Variants in ERC2 observed in about 807,000 individuals in gnomAD.
The protein encoded by ERC2 is ERC protein 2.
In ERC2, 42 loss-of-function variants were observed where a neutral mutation model predicts 114.8. That is an observed-to-expected ratio of 0.37 (90% confidence interval 0.29 to 0.47). The LOEUF is 0.47. ERC2 is among the 20% of genes least tolerant of loss of function. The pLI, the probability that ERC2 is intolerant of heterozygous loss-of-function variation, is 0.99. For missense variants in ERC2, 939 were observed against 1,150.7 expected (o/e 0.82, Z 2.66); for synonymous variants, 454 against 425.5 (o/e 1.07, Z -0.82).
chr3:55,804,943 G>A (rs1464708149), intron 14 of ERC2, among the ~76,000 whole-genome samples: 1 of 151,930 alleles, frequency 6.6e-6, no homozygotes, highest in East Asian at 1.9e-4. Context: ...AGGAGATAAA[G>A]CAGATGAGAG....
chr3:55,513,094 C>T lies in ERC2; in HGVS notation c.*40-1818G>A, dbSNP rs527620124. Among the ~76,000 whole-genome samples, 54 of 152,358 alleles carry T rather than the reference C, an allele frequency of 3.5e-4. 1 individual carries two copies. The Middle Eastern group carries it at 0.014, about 38-fold the overall frequency. On this transcript the variant is annotated intron_variant, in intron 17 of 17. Transcript: ENST00000288221. Reference sequence around the variant, plus strand: ...CTGGACAGTCACAGCGGCCCTTACCCTTCTCCAGCTTCCTCTTACAGCACC... The same window carrying T: ...CTGGACAGTCACAGCGGCCCTTACCTTTCTCCAGCTTCCTCTTACAGCACC...
At position 56,378,269 on chromosome 3, in the gene ERC2, T is replaced by C. The variant is rs562334949; in HGVS notation, c.657+56082A>G. Among the ~76,000 whole-genome samples the C allele has an allele frequency of 4.1e-4, 62 of 149,500 alleles. 1 individual carries two copies. The East Asian group carries it at 0.011, about 27-fold the overall frequency. On this transcript the variant is annotated intron_variant, in intron 2 of 17. Coordinates refer to ENST00000288221, the MANE Select transcript of ERC2 (RefSeq NM_015576.3). Reference sequence around the variant, plus strand: ...AAAAATGATGAGTTCATGTCTTTTGTAGGGACATGGATGAAATTGGAAATC... The same window carrying C: ...AAAAATGATGAGTTCATGTCTTTTGCAGGGACATGGATGAAATTGGAAATC...
At chr3:56,380,533 G>A (rs755662765) in intron 2 of ERC2, among the ~76,000 whole-genome samples, 3 of 151,662 alleles carry the variant, frequency 2.0e-5, no homozygotes, top group East Asian at 1.9e-4. Flanking sequence ...TTGGACCCAC[G>A]TTTTCTTGGC....
chr3:56,211,520 T>C (rs1239997827), intron 3 of ERC2, among the ~76,000 whole-genome samples: 1 of 151,808 alleles, frequency 6.6e-6, no homozygotes, highest in Non-Finnish European at 1.5e-5. Flanking sequence ...TGATTAATTC[T>C]ACACAATAGC....
intron 17 of ERC2, among the ~76,000 whole-genome samples, chr3:55,536,377 A>G (rs1377028809): frequency 2.6e-5 from 4 of 152,150 alleles, no homozygotes; most frequent in Non-Finnish European, 2.9e-5. Flanking sequence ...GAGACTTCCC[A>G]GACGTAGCTG....
chr3:56,249,858 T>TTC (rs2052015478), intron 3 of ERC2, among the ~76,000 whole-genome samples: 1 of 143,570 alleles, frequency 7.0e-6, no homozygotes, highest in African/African-American at 2.6e-5. Context: ...CAAATTTCTT[T>TTC]TTTTTTTTTT....
intron 17 of ERC2, among the ~76,000 whole-genome samples, chr3:55,564,118 A>G (rs973775588): frequency 6.6e-6 from 1 of 152,230 alleles, no homozygotes; most frequent in African/African-American, 2.4e-5. Flanking sequence ...CTCCAAGATC[A>G]GGATGACACA....
intron 3 of ERC2, among the ~76,000 whole-genome samples, chr3:56,221,157 T>C (rs1342463308): frequency 2.0e-5 from 3 of 151,780 alleles, no homozygotes; most frequent in Non-Finnish European, 4.4e-5. Context: ...AATTTGAAAA[T>C]TGAAAATTTT....
At chr3:55,550,664 G>A (rs1407630692) in intron 17 of ERC2, among the ~76,000 whole-genome samples, 1 of 152,160 alleles carries the variant, frequency 6.6e-6, no homozygotes, top group Admixed American at 6.5e-5. Context: ...GCTAGTAAGA[G>A]ATGGGGGAAG....
intron 14 of ERC2, among the ~76,000 whole-genome samples, chr3:55,834,863 A>G (rs1219761069): frequency 7.0e-6 from 1 of 142,312 alleles, no homozygotes; most frequent in East Asian, 2.0e-4. Flanking sequence ...CAAGACTAAT[A>G]AAGAAGAAAA....
chr3:55,690,363 A>C (rs1373184565), intron 16 of ERC2, among the ~76,000 whole-genome samples: 1 of 152,196 alleles, frequency 6.6e-6, no homozygotes, highest in Non-Finnish European at 1.5e-5. Context: ...TTAGCAATAT[A>C]AAATGGATTT....
intron 6 of ERC2, among the ~76,000 whole-genome samples, chr3:56,100,124 T>C (rs2078274006): frequency 1.3e-5 from 2 of 152,210 alleles, no homozygotes; most frequent in Non-Finnish European, 2.9e-5. Context: ...CCCAAACCTA[T>C]TTCACTCTAA....
intron 3 of ERC2, among the ~76,000 whole-genome samples, chr3:56,227,876 T>C (rs1404973133): frequency 2.0e-5 from 3 of 152,166 alleles, no homozygotes; most frequent in Non-Finnish European, 1.5e-5. Context: ...AACAACTACA[T>C]CATCAACAGG....
rs112686095 is a variant in ERC2, at chr3:55,906,552, T to C, written c.2404-18003A>G. On this transcript the variant is annotated intron_variant, in intron 13 of 17. Transcript: ENST00000288221. Reference sequence around the variant, plus strand: ...TCCTCCCATCCCATGTTTCTACCTATTGAATCAGAAACTGAGGATGCGGTC... The same window carrying C: ...TCCTCCCATCCCATGTTTCTACCTACTGAATCAGAAACTGAGGATGCGGTC... Among the ~76,000 whole-genome samples, 1,014 of 152,272 alleles carry C rather than the reference T, an allele frequency of 6.7e-3. 8 individuals are homozygous for C. Among genetic ancestry groups the C allele is most frequent in the Non-Finnish European group, 9.5e-3 (647 of 68,008 alleles).
chr3:55,665,756 G>A (rs1400649927), intron 17 of ERC2, among the ~76,000 whole-genome samples: 1 of 152,222 alleles, frequency 6.6e-6, no homozygotes, highest in Non-Finnish European at 1.5e-5. Flanking sequence ...GGTGGGAAGT[G>A]TCATCATGGT....
chr3:55,890,105 T>C (rs949688295), intron 13 of ERC2, among the ~76,000 whole-genome samples: 3 of 152,226 alleles, frequency 2.0e-5, no homozygotes, highest in Non-Finnish European at 2.9e-5. Flanking sequence ...GAATTATTCT[T>C]TAACTTTACA....
intron 3 of ERC2, among the ~76,000 whole-genome samples, chr3:56,246,559 C>G (rs1370438320): frequency 1.3e-5 from 2 of 152,054 alleles, no homozygotes; most frequent in Non-Finnish European, 2.9e-5. Context: ...TTAACTCAAT[C>G]CTCACAATGA....
At chr3:56,349,589 T>G (rs2058471858) in intron 2 of ERC2, among the ~76,000 whole-genome samples, 1 of 151,822 alleles carries the variant, frequency 6.6e-6, no homozygotes, top group Non-Finnish European at 1.5e-5. Context: ...GGGTTGAGGG[T>G]GGGAGGAGGA....
chr3:56,398,531 G>A (rs1156733558), intron 2 of ERC2, among the ~76,000 whole-genome samples: 2 of 151,952 alleles, frequency 1.3e-5, no homozygotes, highest in African/African-American at 4.8e-5. Context: ...CAAATTTACT[G>A]AGTATCATAT....
Sources: gnomAD v4.1 joint callset for allele counts (sites outside exome capture counted in the v4.1 genomes callset) on GRCh38, gnomAD v4.1.1 for gene constraint, MANE v1.5 for transcripts, NCBI Gene and HGNC (gene_info 2026-07-23, HGNC 2026-07-21) for gene names.